The following VWC2 variants were observed in gnomAD, a reference collection of about 807,000 sequenced individuals.
The protein encoded by VWC2 is brorin.
VWC2 carries 14 observed loss-of-function variants against 29.8 expected under a neutral mutation model. That is an observed-to-expected ratio of 0.47 (90% CI 0.31 to 0.74). The LOEUF is 0.74. Among genes scored for constraint, VWC2 ranks in the 30% least tolerant of loss-of-function variants. VWC2 has a pLI of 0.05. For synonymous variants in VWC2, 213 were observed against 199.0 expected, an observed-to-expected ratio of 1.07 and a Z score of -0.59; for missense variants, 457 against 459.8, an observed-to-expected ratio of 0.99 and a Z score of 0.05.
intron 3 of VWC2, among the ~76,000 whole-genome samples, chr7:49,824,886 A>C (rs556747294): frequency 6.6e-6 from 1 of 152,238 alleles, no homozygotes; most frequent in African/African-American, 2.4e-5. Context: ...CCTACCTTGC[A>C]AAATTCTCCA....
At chr7:49,871,338 A>G (rs1264660521) in intron 3 of VWC2, among the ~76,000 whole-genome samples, 1 of 152,188 alleles carries the variant, frequency 6.6e-6, no homozygotes, top group East Asian at 1.9e-4. Context: ...ACCCCTGCGC[A>G]TTAAGGTATA....
chr7:49,802,582 G>C (rs1788766643), intron 2 of VWC2, 129 bp from the exon 3 acceptor site: 1 of 1,275,892 alleles, frequency 7.8e-7, no homozygotes, highest in Admixed American at 2.0e-5. Flanking sequence ...AGGTTGCGGT[G>C]AGCCGAGATC....
chr7:49,865,826 T>C (rs537098327), intron 3 of VWC2, among the ~76,000 whole-genome samples: 1 of 152,290 alleles, frequency 6.6e-6, no homozygotes, highest in South Asian at 2.1e-4. Context: ...AGAATGCTCA[T>C]TCCATGCAAC....
At chr7:49,838,356 T>C (rs559550332) in intron 3 of VWC2, among the ~76,000 whole-genome samples, 3 of 152,240 alleles carry the variant, frequency 2.0e-5, no homozygotes, top group African/African-American at 7.2e-5. Context: ...TTCCAGCAGA[T>C]TGGTGCACTT....
intron 3 of VWC2, among the ~76,000 whole-genome samples, chr7:49,892,670 GC>G (rs906157175): frequency 3.3e-5 from 5 of 152,196 alleles, no homozygotes; most frequent in African/African-American, 1.2e-4. Flanking sequence ...AATAATACTT[GC>G]CCAGTGAGTT....
At chr7:49,807,134 A>G (rs996686496) in intron 3 of VWC2, among the ~76,000 whole-genome samples, 1 of 152,196 alleles carries the variant, frequency 6.6e-6, no homozygotes, top group Non-Finnish European at 1.5e-5. Context: ...CTTTATTGAG[A>G]GAAATTAAAG....
intron 3 of VWC2, among the ~76,000 whole-genome samples, chr7:49,895,283 T>A (rs1792326588): frequency 6.6e-6 from 1 of 152,198 alleles, no homozygotes; most frequent in Non-Finnish European, 1.5e-5. Context: ...ATGAGGGCTC[T>A]GCCCTCATGA....
intron 2 of VWC2, among the ~76,000 whole-genome samples, chr7:49,794,863 C>G (rs2128704497): frequency 6.6e-6 from 1 of 152,330 alleles, no homozygotes; most frequent in South Asian, 2.1e-4. Context: ...ATCCTTCCCA[C>G]CTGACTTATC....
intron 3 of VWC2, among the ~76,000 whole-genome samples, chr7:49,842,209 A>G (rs1054520595): frequency 6.6e-6 from 1 of 152,180 alleles, no homozygotes; most frequent in Non-Finnish European, 1.5e-5. Flanking sequence ...TTATATAAAT[A>G]CTTGATAAAT....
chr7:49,814,829 C>CTCTGCTTCTCTTTAACTCTCACTGAG (rs1789099540), intron 3 of VWC2, among the ~76,000 whole-genome samples: 1 of 152,204 alleles, frequency 6.6e-6, no homozygotes, highest in Admixed American at 6.5e-5. Flanking sequence ...ACTTCCCCAT[C>CTCTGCTTCTCTTTAACTCTCACTGAG]TCTGCTTCTC....
At chr7:49,779,249 C>T (rs1044990140) in intron 2 of VWC2, among the ~76,000 whole-genome samples, 4 of 152,186 alleles carry the variant, frequency 2.6e-5, no homozygotes, top group Non-Finnish European at 5.9e-5. Context: ...GCTTTCTCTA[C>T]TCAGTTTTCT....
At chr7:49,816,115 T>C (rs1250163113) in intron 3 of VWC2, among the ~76,000 whole-genome samples, 4 of 152,094 alleles carry the variant, frequency 2.6e-5, no homozygotes, top group Non-Finnish European at 4.4e-5. Context: ...ATTTGTTACT[T>C]AAGCCTGTAG....
chr7:49,855,253 A>C (rs561292364), intron 3 of VWC2, among the ~76,000 whole-genome samples: 1 of 152,310 alleles, frequency 6.6e-6, no homozygotes, highest in African/African-American at 2.4e-5. Context: ...TAAATGGTTG[A>C]GGAAAACACT....
At chr7:49,906,903 A>G (rs1186443292) in intron 3 of VWC2, among the ~76,000 whole-genome samples, 1 of 152,186 alleles carries the variant, frequency 6.6e-6, no homozygotes, top group Non-Finnish European at 1.5e-5. Flanking sequence ...AGCAATTTTT[A>G]TATCTCTTTC....
In VWC2 at chr7:49,775,674, G is replaced by A. The variant is rs930095166; in HGVS notation, c.239G>A (p.Ser80Asn). 75 of 1,524,474 alleles carry A rather than the reference G, an allele frequency of 4.9e-5. No individual in the cohort carries two copies. Among genetic ancestry groups the A allele is most frequent in the Non-Finnish European group, 6.5e-5 (74 of 1,139,304 alleles). The allele number at this position is 1,524,474 out of a possible 1,614,324, so 94.4% of individuals were successfully genotyped here. A position where few individuals can be genotyped will look rare whatever the true frequency, so the allele number is the denominator to read the frequency against. Residue 80 changes from serine to asparagine, a missense_variant, in exon 2 of 4, where the codon AGC becomes AAC. Around this residue, in one of 2 missense-constraint regions of VWC2, gnomAD observed 272 missense variants for 202.7 expected, o/e 1.34. Coordinates refer to ENST00000340652, the MANE Select transcript of VWC2 (RefSeq NM_198570.5). ...GGSGRDWKSK[S>N]GRGLAGREPW... ...AGCGGCCGGGACTGGAAGAGCAAGA[G>A]CGGCCGTGGGCTCGCCGGCCGTGAG... is the stretch of plus-strand genomic sequence containing the variant.
chr7:49,780,200 A>G (rs6973130), intron 2 of VWC2, among the ~76,000 whole-genome samples: 7,865 of 152,258 alleles, frequency 0.052, 685 homozygotes, highest in African/African-American at 0.18. Flanking sequence ...ATGCCAATGA[A>G]CATTAACTGA....
At chr7:49,847,847 A>T (rs910684918) in intron 3 of VWC2, among the ~76,000 whole-genome samples, 1 of 152,036 alleles carries the variant, frequency 6.6e-6, no homozygotes, top group Non-Finnish European at 1.5e-5. Context: ...CCCGCAGAGG[A>T]GGTCATGGGG....
chr7:49,892,473 T>C (rs1316504130), intron 3 of VWC2, among the ~76,000 whole-genome samples: 1 of 152,216 alleles, frequency 6.6e-6, no homozygotes, highest in Non-Finnish European at 1.5e-5. Flanking sequence ...TACAGGGGTA[T>C]ATACATTATG....
intron 3 of VWC2, among the ~76,000 whole-genome samples, chr7:49,909,588 T>C (rs1283017409): frequency 6.6e-6 from 1 of 152,148 alleles, no homozygotes; most frequent in Non-Finnish European, 1.5e-5. Flanking sequence ...TCACCAAAGC[T>C]AATGGATATG....
Sources: allele counts gnomAD v4.1 joint callset (sites outside exome capture counted in the v4.1 genomes callset), GRCh38; gene constraint gnomAD v4.1.1; regional missense constraint gnomAD v4.1.1; transcripts MANE v1.5; gene names NCBI Gene and HGNC (gene_info 2026-07-23, HGNC 2026-07-21).